Variants in SEPTIN10 observed in about 807,000 individuals in gnomAD.
SEPTIN10 encodes the protein septin-10.
A neutral mutation model predicts 54.8 loss-of-function variants in SEPTIN10; 66 were observed. The observed-to-expected ratio is 1.21, with a 90% CI of 0.99 to 1.48. SEPTIN10 has a LOEUF of 1.48. Among genes scored for constraint, SEPTIN10 ranks in the 40% most tolerant of loss-of-function variants. The pLI is 0.00. For synonymous variants in SEPTIN10, 161 were observed against 181.0 expected (o/e 0.89, Z 0.89); for missense variants, 620 against 545.6 (o/e 1.14, Z -1.36).
chr2:109,585,379 C>G, intron 3 of SEPTIN10, 58 bp from the exon 4 acceptor site: 1 of 1,368,706 alleles, frequency 7.3e-7, no homozygotes, highest in Non-Finnish European at 1.0e-6. Context: ...AGAAATACAA[C>G]TGTAAATGCC....
chr2:109,573,759 T>C (rs1688927642), intron 5 of SEPTIN10, among the ~76,000 whole-genome samples: 1 of 152,256 alleles, frequency 6.6e-6, no homozygotes, highest in African/African-American at 2.4e-5. Context: ...TTAGCCATTT[T>C]TTAAACAAAT....
At chr2:109,544,995 T>C (rs909461113) in intron 10 of SEPTIN10, 3 of 985,458 alleles carry the variant, frequency 3.0e-6, no homozygotes, top group Non-Finnish European at 3.6e-6. Context: ...CAAAGTCCTG[T>C]GGTTTACTTC....
rs1685051738 is a variant in SEPTIN10 at position 109,559,141 on chromosome 2, C to T, written c.1028+5225G>A. 2.6e-5 allele frequency among the ~76,000 whole-genome samples: 4 copies of T among 152,300 alleles called. 1 individual carries two copies. In the South Asian group the frequency reaches 8.3e-4, roughly 32 times the overall value. ...CCTCAGGTGATCCACCCACCTTGGCCTCCCAAAGTACTGAAATTACAGGCA... is the reference window on the plus strand; with the variant it reads ...CCTCAGGTGATCCACCCACCTTGGCTTCCCAAAGTACTGAAATTACAGGCA... On this transcript the variant is annotated intron_variant, in intron 8 of 10. Coordinates refer to ENST00000397712, the MANE Select transcript of SEPTIN10 (RefSeq NM_144710.5).
chr2:109,589,201 C>T (rs1459050463), intron 2 of SEPTIN10, among the ~76,000 whole-genome samples: 2 of 151,768 alleles, frequency 1.3e-5, no homozygotes, highest in African/African-American at 4.8e-5. Flanking sequence ...GGAGTGCAGT[C>T]GTGCGACCTT....
At position 109,552,856 on chromosome 2, in the gene SEPTIN10, C is replaced by T. The variant is rs963330784; in HGVS notation, c.1161+231G>A. On this transcript the variant is annotated intron_variant, in intron 9 of 10. Transcript: ENST00000397712. ...TTCCAGTTCATTGTAAGAATTTCAACGATTAGTGACTCCATAAATGTACTG... is the reference window on the plus strand; with the variant it reads ...TTCCAGTTCATTGTAAGAATTTCAATGATTAGTGACTCCATAAATGTACTG... 21 of 433,634 alleles carry T rather than the reference C, an allele frequency of 4.8e-5. 1 individual carries two copies. In the South Asian group the frequency reaches 5.2e-4, roughly 11 times the overall value. The allele number at this position is 433,634 out of a possible 1,614,324, so 26.9% of individuals were successfully genotyped here.
chr2:109,552,979 G>A, intron 9 of SEPTIN10, 108 bp downstream of exon 9: 2 of 1,243,444 alleles, frequency 1.6e-6, no homozygotes, highest in Admixed American at 4.4e-5. Flanking sequence ...ACTCTTTAAA[G>A]AACAAGTAGC....
intron 1 of SEPTIN10, among the ~76,000 whole-genome samples, chr2:109,599,469 A>C (rs902486975): frequency 2.0e-5 from 3 of 151,876 alleles, no homozygotes; most frequent in Non-Finnish European, 4.4e-5. Context: ...AAAAAAAAAA[A>C]AAAAAAAAGA....
At chr2:109,602,148 A>C (rs1696731873) in intron 1 of SEPTIN10, among the ~76,000 whole-genome samples, 1 of 152,222 alleles carries the variant, frequency 6.6e-6, no homozygotes, top group African/African-American at 2.4e-5. Context: ...TGATTTCCGT[A>C]CTAAGTGGGT....
chr2:109,593,139 G>T lies in SEPTIN10; in HGVS notation c.31-20C>A. The T allele has an allele frequency of 1.3e-6, 2 of 1,557,456 alleles. No homozygotes were observed. The highest frequency in any genetic ancestry group is 1.7e-6 in the Non-Finnish European group (2 of 1,147,208). The stretch of plus-strand genomic sequence containing the variant: ...AAAGAGCTAAAAAAGGAATACAAAG[G>T]CTTAAAAGGAAACAGAAACATTACT... On this transcript the variant is annotated intron_variant, in intron 1 of 10. Coordinates refer to ENST00000397712, the MANE Select transcript of SEPTIN10 (RefSeq NM_144710.5).
At chr2:109,588,727 G>A (rs191713955) in intron 2 of SEPTIN10, among the ~76,000 whole-genome samples, 240 of 151,766 alleles carry the variant, frequency 1.6e-3, no homozygotes, top group African/African-American at 5.7e-3. Flanking sequence ...CTGACCTCAG[G>A]TGATCCACTT....
intron 4 of SEPTIN10, among the ~76,000 whole-genome samples, chr2:109,577,853 C>T (rs1442452813): frequency 7.5e-6 from 1 of 132,846 alleles, no homozygotes; most frequent in East Asian, 2.2e-4. Flanking sequence ...GGGGAGGTTA[C>T]AGTGAGCCGA....
intron 8 of SEPTIN10, among the ~76,000 whole-genome samples, chr2:109,560,040 C>A (rs112462145): frequency 0.02 from 3,002 of 151,684 alleles, 58 homozygotes; most frequent in Non-Finnish European, 0.026. Context: ...CCTGCCTCAG[C>A]CTCCCAAGTA....
intron 5 of SEPTIN10, among the ~76,000 whole-genome samples, chr2:109,568,660 A>G (rs892215509): frequency 3.9e-5 from 2 of 51,658 alleles, no homozygotes; most frequent in African/African-American, 1.4e-4. Context: ...GATAAAAGGT[A>G]AACTGAATTG....
chr2:109,605,602 T>C (rs1697761191), intron 1 of SEPTIN10: 1 of 152,216 alleles, frequency 6.6e-6, no homozygotes, highest in Non-Finnish European at 1.5e-5. Flanking sequence ...TCAGAATACC[T>C]GAGGATAAGC....
chr2:109,556,739 T>C (rs1018081861), intron 8 of SEPTIN10, among the ~76,000 whole-genome samples: 1 of 152,116 alleles, frequency 6.6e-6, no homozygotes, highest in African/African-American at 2.4e-5. Context: ...TAGTCCAACA[T>C]GACTGATAGT....
At chr2:109,554,346 G>A (rs1052509238) in intron 8 of SEPTIN10, among the ~76,000 whole-genome samples, 3 of 152,076 alleles carry the variant, frequency 2.0e-5, no homozygotes, top group African/African-American at 2.4e-5. Flanking sequence ...TTTGTGTATC[G>A]TATACACAAT....
At chr2:109,568,075 T>A in intron 5 of SEPTIN10, 99 bp from the exon 6 acceptor site, 1 of 926,308 alleles carries the variant, frequency 1.1e-6, no homozygotes, top group Non-Finnish European at 1.6e-6. Flanking sequence ...ACAATGAATT[T>A]CCCTAAACCT....
chr2:109,582,009 G>A (rs927602740), intron 4 of SEPTIN10, among the ~76,000 whole-genome samples: 2 of 151,594 alleles, frequency 1.3e-5, no homozygotes, highest in African/African-American at 4.9e-5. Flanking sequence ...AAAATCAGCA[G>A]CATTTCTGTA....
intron 1 of SEPTIN10, chr2:109,613,208 G>A (rs1004649997): frequency 1.7e-5 from 22 of 1,283,332 alleles, no homozygotes; most frequent in Non-Finnish European, 2.2e-5. Flanking sequence ...ACTAACAAGC[G>A]AGATAAATCT....
Sources: allele counts gnomAD v4.1 joint callset (sites outside exome capture counted in the v4.1 genomes callset), GRCh38; gene constraint gnomAD v4.1.1; transcripts MANE v1.5; gene names NCBI Gene and HGNC (gene_info 2026-07-23, HGNC 2026-07-21).